CCSER2: variants seen among roughly 807,000 people sequenced by gnomAD.
CCSER2 encodes the protein coiled-coil serine rich protein 2.
CCSER2 carries 46 observed loss-of-function variants against 92.3 expected under a neutral mutation model. The ratio of observed to expected loss-of-function variants is 0.50; its 90% CI spans 0.39 to 0.64. The LOEUF (loss-of-function observed/expected upper bound fraction) is 0.64. Ranked by LOEUF, CCSER2 falls within the 30% of genes least tolerant of loss-of-function variation. The probability of loss-of-function intolerance (pLI) is 0.00; values close to 1 mark genes in which losing one functional copy is unlikely to be tolerated. For missense variants in CCSER2, 1,244 were observed against 1,238.9 expected (o/e 1.00, Z -0.06); for synonymous variants, 433 against 431.4 (o/e 1.00, Z -0.04).
At chr10:84,352,743 A>C (rs2133076051) in intron 1 of CCSER2, among the ~76,000 whole-genome samples, 1 of 152,172 alleles carries the variant, frequency 6.6e-6, no homozygotes, top group East Asian at 1.9e-4. Context: ...AATGGGAATA[A>C]ATATACCTAT....
At chr10:84,421,893 T>G (rs760437140) in intron 4 of CCSER2, among the ~76,000 whole-genome samples, 3 of 152,158 alleles carry the variant, frequency 2.0e-5, no homozygotes, top group Non-Finnish European at 2.9e-5. Context: ...GACAAAAGGT[T>G]ATGATCTAAT....
At chr10:84,359,136 T>G (rs1845360681) in intron 1 of CCSER2, among the ~76,000 whole-genome samples, 1 of 152,148 alleles carries the variant, frequency 6.6e-6, no homozygotes, top group South Asian at 2.1e-4. Context: ...CCAACTTTTT[T>G]TTTTCTTTTT....
chr10:84,426,501 A>C (rs2133437590), intron 5 of CCSER2, among the ~76,000 whole-genome samples: 1 of 152,294 alleles, frequency 6.6e-6, no homozygotes, highest in African/African-American at 2.4e-5. Context: ...GCTTCACTTT[A>C]CTATCTTTAA....
chr10:84,498,602 C>T (rs1375742689), intron 9 of CCSER2, among the ~76,000 whole-genome samples: 4 of 152,010 alleles, frequency 2.6e-5, no homozygotes, highest in South Asian at 4.1e-4. Flanking sequence ...CATTTCAGAC[C>T]CTTCATAAGA....
At chr10:84,431,103 C>T (rs936760088) in intron 5 of CCSER2, among the ~76,000 whole-genome samples, 3 of 152,076 alleles carry the variant, frequency 2.0e-5, no homozygotes, top group African/African-American at 7.2e-5. Context: ...ATTGATGAGT[C>T]AATATTGATA....
intron 9 of CCSER2, among the ~76,000 whole-genome samples, chr10:84,506,756 C>G (rs1455207497): frequency 1.3e-5 from 2 of 151,766 alleles, no homozygotes; most frequent in Non-Finnish European, 2.9e-5. Context: ...GATTGCACTA[C>G]TGCACTCCAG....
intron 3 of CCSER2, among the ~76,000 whole-genome samples, chr10:84,406,543 G>A (rs17103437): frequency 0.058 from 8,866 of 152,226 alleles, 371 homozygotes; most frequent in Admixed American, 0.1. Context: ...AAAGTCCAAG[G>A]AAGTTCTATG....
chr10:84,428,999 A>G (rs1323210669), intron 5 of CCSER2, among the ~76,000 whole-genome samples: 11 of 148,694 alleles, frequency 7.4e-5, no homozygotes, highest in Admixed American at 2.0e-4. Context: ...ATATATATAT[A>G]TATATATATA....
At chr10:84,470,013 ATTT>A (rs67106487) in intron 7 of CCSER2, among the ~76,000 whole-genome samples, 15,084 of 96,132 alleles carry the variant, frequency 0.16, 849 homozygotes, top group Admixed American at 0.24. Flanking sequence ...TTTGTATGTG[ATTT>A]TTTTTTTTTT....
intron 1 of CCSER2, among the ~76,000 whole-genome samples, chr10:84,346,652 C>G (rs1005680027): frequency 1.1e-4 from 16 of 151,892 alleles, no homozygotes; most frequent in African/African-American, 3.6e-4. Context: ...GTCTATCATC[C>G]AGCCATCTGT....
At chr10:84,345,816 TATA>T (rs987510427) in intron 1 of CCSER2, among the ~76,000 whole-genome samples, 17 of 152,318 alleles carry the variant, frequency 1.1e-4, no homozygotes, top group East Asian at 7.7e-4. Context: ...TTTATAAAAT[TATA>T]ATGATAATTA....
intron 6 of CCSER2, among the ~76,000 whole-genome samples, chr10:84,451,269 T>G (rs1332819004): frequency 9.4e-5 from 14 of 148,876 alleles, no homozygotes; most frequent in Admixed American, 6.7e-4. Context: ...TTTTTTTTGT[T>G]TTTTGTTTTT....
At chr10:84,457,165 G>C (rs1845674453) in intron 6 of CCSER2, among the ~76,000 whole-genome samples, 1 of 132,724 alleles carries the variant, frequency 7.5e-6, no homozygotes, top group Non-Finnish European at 1.6e-5. Flanking sequence ...GTATTTACTT[G>C]AATGATTGCA....
At chr10:84,353,265 A>C (rs750371826) in intron 1 of CCSER2, among the ~76,000 whole-genome samples, 1 of 152,108 alleles carries the variant, frequency 6.6e-6, no homozygotes, top group Non-Finnish European at 1.5e-5. Context: ...TGCCTCGGTC[A>C]TGGAGATCCT....
At position 84,480,453 on chromosome 10, in the gene CCSER2, T is replaced by G. The variant is rs142778409; in HGVS notation, c.2325+2789T>G. The stretch of plus-strand genomic sequence containing the variant: ...AATCTAATGTGAGTACAAAGAAATC[T>G]TTTGACATATTAAATTATGTAAGTC... On this transcript the variant is annotated intron_variant, in intron 9 of 9. Transcript: ENST00000372088. 2.6e-3 allele frequency among the ~76,000 whole-genome samples: 389 copies of G among 152,284 alleles called. 10 individuals carry two copies. In the East Asian group the frequency reaches 0.049, roughly 19 times the overall value.
intron 1 of CCSER2, among the ~76,000 whole-genome samples, chr10:84,346,534 G>C (rs1339169747): frequency 6.6e-6 from 1 of 151,906 alleles, no homozygotes; most frequent in African/African-American, 2.4e-5. Flanking sequence ...CTAAACCATG[G>C]GCATATGTAG....
intron 9 of CCSER2, among the ~76,000 whole-genome samples, chr10:84,491,676 C>G (rs924055733): frequency 6.6e-6 from 1 of 152,140 alleles, no homozygotes; most frequent in Admixed American, 6.5e-5. Flanking sequence ...TTCCTTGACC[C>G]CTTGTGCTTC....
At chr10:84,389,267 A>T (rs1315411989) in intron 3 of CCSER2, 3 of 504,932 alleles carry the variant, frequency 5.9e-6, no homozygotes, top group Admixed American at 4.0e-5. Context: ...AGTCCCCAGG[A>T]TCTCTTTAAT....
intron 5 of CCSER2, among the ~76,000 whole-genome samples, chr10:84,427,615 G>C (rs1843507733): frequency 6.6e-6 from 1 of 152,242 alleles, no homozygotes; most frequent in Middle Eastern, 3.4e-3. Context: ...TGGGAAGACT[G>C]GTGGTTGAGA....
Sources: allele counts gnomAD v4.1 joint callset (sites outside exome capture counted in the v4.1 genomes callset), GRCh38; gene constraint gnomAD v4.1.1; transcripts MANE v1.5; gene names NCBI Gene and HGNC (gene_info 2026-07-23, HGNC 2026-07-21).